Variants in KCNMB2 observed in about 807,000 individuals in gnomAD.
The protein encoded by KCNMB2 is potassium calcium-activated channel subfamily M regulatory beta subunit 2.
In KCNMB2, 9 loss-of-function variants were observed where a neutral mutation model predicts 24.5. The ratio of observed to expected loss-of-function variants is 0.37; its 90% CI spans 0.22 to 0.64. The LOEUF (loss-of-function observed/expected upper bound fraction) is 0.64, where lower values mean the gene tolerates loss of function less well. KCNMB2 is among the 30% of genes least tolerant of loss of function. KCNMB2 has a pLI of 0.63. For missense variants in KCNMB2, 226 were observed against 284.3 expected, an observed-to-expected ratio of 0.79 and a Z score of 1.47; for synonymous variants, 109 against 104.4, an observed-to-expected ratio of 1.04 and a Z score of -0.27.
chr3:178,567,127 G>T (rs1294071869), intron 1 of KCNMB2, among the ~76,000 whole-genome samples: 1 of 152,134 alleles, frequency 6.6e-6, no homozygotes, highest in Non-Finnish European at 1.5e-5. Context: ...TTCTCATTCT[G>T]ATCTTTATAC....
At position 178,658,470 on chromosome 3, in the gene KCNMB2, C is replaced by T. The variant is rs149645915; in HGVS notation, c.-68+121759C>T. Among the ~76,000 whole-genome samples, 362 of 152,278 alleles carry T rather than the reference C, an allele frequency of 2.4e-3. 2 individuals are homozygous for T. Among genetic ancestry groups the T allele is most frequent in the African/African-American group, 8.4e-3 (350 of 41,562 alleles). On this transcript the variant is annotated intron_variant, in intron 1 of 4. Transcript: ENST00000452583. Reference sequence around the variant, plus strand: ...CCTTTTCTCTAGCACCCACATTTTACGCTGTCAGGAAAGCTCATGGTACTA... The same window carrying T: ...CCTTTTCTCTAGCACCCACATTTTATGCTGTCAGGAAAGCTCATGGTACTA...
At chr3:178,792,673 G>A (rs1013827067) in intron 1 of KCNMB2, among the ~76,000 whole-genome samples, 1 of 152,226 alleles carries the variant, frequency 6.6e-6, no homozygotes, top group Non-Finnish European at 1.5e-5. Context: ...TGCCTACAAG[G>A]AACACACTTC....
chr3:178,615,621 A>G (rs1718676556), intron 1 of KCNMB2, among the ~76,000 whole-genome samples: 1 of 152,174 alleles, frequency 6.6e-6, no homozygotes, highest in South Asian at 2.1e-4. Flanking sequence ...AGGGCTCTTA[A>G]GTCAGCTTGC....
chr3:178,608,508 A>G (rs1038857435), intron 1 of KCNMB2, among the ~76,000 whole-genome samples: 1 of 152,206 alleles, frequency 6.6e-6, no homozygotes, highest in African/African-American at 2.4e-5. Flanking sequence ...TCCATCCATC[A>G]AAGTATTTAT....
chr3:178,549,329 G>C (rs1205673510), intron 1 of KCNMB2, among the ~76,000 whole-genome samples: 2 of 109,168 alleles, frequency 1.8e-5, no homozygotes, highest in East Asian at 5.1e-4. Flanking sequence ...TTTTTTTCTT[G>C]AGATGCAGTC....
At chr3:178,552,177 A>G (rs1379638720) in intron 1 of KCNMB2, among the ~76,000 whole-genome samples, 1 of 152,212 alleles carries the variant, frequency 6.6e-6, no homozygotes, top group African/African-American at 2.4e-5. Context: ...GACGCTGACC[A>G]AGGTTTACAG....
intron 1 of KCNMB2, among the ~76,000 whole-genome samples, chr3:178,563,931 G>T (rs1377599046): frequency 6.6e-6 from 1 of 152,098 alleles, no homozygotes; most frequent in Non-Finnish European, 1.5e-5. Context: ...CCAAAACATG[G>T]AAATGAAGAG....
At chr3:178,648,650 T>C (rs953613855) in intron 1 of KCNMB2, among the ~76,000 whole-genome samples, 1 of 152,226 alleles carries the variant, frequency 6.6e-6, no homozygotes, top group African/African-American at 2.4e-5. Context: ...TAACTTGTAT[T>C]CCATGGAATG....
At chr3:178,828,395 T>C in intron 4 of KCNMB2, 22 bp downstream of exon 4, 1 of 1,578,432 alleles carries the variant, frequency 6.3e-7, no homozygotes, top group South Asian at 1.1e-5. Context: ...GCGTACTGCA[T>C]TTCAGTTACC....
At chr3:178,802,699 A>G (rs911115425) in intron 1 of KCNMB2, among the ~76,000 whole-genome samples, 3 of 152,166 alleles carry the variant, frequency 2.0e-5, no homozygotes, top group Non-Finnish European at 2.9e-5. Flanking sequence ...AGGCACCAGT[A>G]TTTTTTAAAA....
chr3:178,702,103 T>TA (rs1385693151), intron 1 of KCNMB2, among the ~76,000 whole-genome samples: 2 of 151,870 alleles, frequency 1.3e-5, no homozygotes, highest in East Asian at 1.9e-4. Flanking sequence ...TATGCAGCCA[T>TA]AAAAAATGAT....
intron 1 of KCNMB2, among the ~76,000 whole-genome samples, chr3:178,631,419 A>G (rs954267734): frequency 1.3e-5 from 2 of 152,260 alleles, no homozygotes; most frequent in African/African-American, 4.8e-5. Flanking sequence ...TATTAATAAA[A>G]GGACATGAAT....
intron 1 of KCNMB2, among the ~76,000 whole-genome samples, chr3:178,621,606 C>T (rs959822673): frequency 6.6e-6 from 1 of 152,060 alleles, no homozygotes; most frequent in Non-Finnish European, 1.5e-5. Flanking sequence ...TCCCTCGCAG[C>T]ACCTTGCAGT....
intron 1 of KCNMB2, among the ~76,000 whole-genome samples, chr3:178,716,546 C>T (rs1436618950): frequency 4.6e-5 from 7 of 150,926 alleles, no homozygotes. Context: ...GAGGTTCAAG[C>T]GATTGTCCTG....
intron 1 of KCNMB2, among the ~76,000 whole-genome samples, chr3:178,707,290 C>A (rs1381761971): frequency 6.6e-6 from 1 of 152,048 alleles, no homozygotes; most frequent in Non-Finnish European, 1.5e-5. Context: ...AGAAAAGTAG[C>A]TCTCAGAGTT....
chr3:178,825,537 G>C (rs748481374), intron 2 of KCNMB2, 51 bp from the exon 3 acceptor site: 2 of 1,507,700 alleles, frequency 1.3e-6, no homozygotes, highest in South Asian at 1.2e-5. Flanking sequence ...CTCTCTAGGG[G>C]CATGCTGATT....
chr3:178,619,949 C>A (rs1277300485), intron 1 of KCNMB2, among the ~76,000 whole-genome samples: 1 of 152,028 alleles, frequency 6.6e-6, no homozygotes, highest in Non-Finnish European at 1.5e-5. Flanking sequence ...TTCAGCAAGA[C>A]AAAAAGGAAC....
chr3:178,805,424 G>C (rs1713926746), intron 1 of KCNMB2, among the ~76,000 whole-genome samples: 1 of 152,016 alleles, frequency 6.6e-6, no homozygotes, highest in Non-Finnish European at 1.5e-5. Context: ...GATGTTAAGT[G>C]ACTTTCTCAA....
intron 1 of KCNMB2, among the ~76,000 whole-genome samples, chr3:178,633,533 G>A (rs1037655472): frequency 6.6e-6 from 1 of 152,334 alleles, no homozygotes; most frequent in Admixed American, 6.5e-5. Context: ...TTGTAGCCAA[G>A]GCTGGAGGGG....
Sources: gnomAD v4.1 joint callset for allele counts (sites outside exome capture counted in the v4.1 genomes callset) on GRCh38, gnomAD v4.1.1 for gene constraint, MANE v1.5 for transcripts, NCBI Gene and HGNC (gene_info 2026-07-23, HGNC 2026-07-21) for gene names.